Variants in SORCS3 observed in about 807,000 individuals in gnomAD.
SORCS3 encodes the protein VPS10 domain-containing receptor SorCS3.
In SORCS3, 57 loss-of-function variants were observed where a neutral mutation model predicts 146.3. That is an observed-to-expected ratio of 0.39 (90% CI 0.31 to 0.49). The LOEUF (loss-of-function observed/expected upper bound fraction) is 0.49. Among genes scored for constraint, SORCS3 ranks in the 20% least tolerant of loss-of-function variants. The pLI is 0.92. For missense variants in SORCS3, 1,341 were observed against 1,575.5 expected, an observed-to-expected ratio of 0.85 and a Z score of 2.52; for synonymous variants, 653 against 618.5, an observed-to-expected ratio of 1.06 and a Z score of -0.83.
At chr10:104,755,933 C>T (rs2017045385) in intron 1 of SORCS3, among the ~76,000 whole-genome samples, 1 of 152,140 alleles carries the variant, frequency 6.6e-6, no homozygotes. Flanking sequence ...CCCTTAATTA[C>T]ACAAAGCTGT....
At chr10:105,028,166 C>A (rs1253641335) in intron 4 of SORCS3, among the ~76,000 whole-genome samples, 1 of 152,130 alleles carries the variant, frequency 6.6e-6, no homozygotes, top group Non-Finnish European at 1.5e-5. Context: ...TCTTATTGCC[C>A]ATTTCTCTCA....
intron 5 of SORCS3, among the ~76,000 whole-genome samples, chr10:105,045,492 G>A (rs571295336): frequency 1.3e-5 from 2 of 152,128 alleles, no homozygotes; most frequent in African/African-American, 4.8e-5. Context: ...TAGGTGTCGT[G>A]TGAGTCATGG....
At chr10:105,023,046 A>G (rs765050443) in intron 4 of SORCS3, among the ~76,000 whole-genome samples, 3 of 152,124 alleles carry the variant, frequency 2.0e-5, no homozygotes, top group Non-Finnish European at 2.9e-5. Flanking sequence ...ACATTAAGGT[A>G]CCTTTTCCAC....
chr10:104,868,798 G>A (rs958179742), intron 2 of SORCS3, among the ~76,000 whole-genome samples: 1 of 152,162 alleles, frequency 6.6e-6, no homozygotes, highest in African/African-American at 2.4e-5. Flanking sequence ...GGAGCAACTA[G>A]CCAATCTCAT....
At chr10:104,681,933 A>T (rs1589455831) in intron 1 of SORCS3, among the ~76,000 whole-genome samples, 1 of 151,844 alleles carries the variant, frequency 6.6e-6, no homozygotes, top group East Asian at 1.9e-4. Context: ...TTCCTGCCTT[A>T]GTTTTCCTCC....
At chr10:105,076,089 T>C (rs917476580) in intron 5 of SORCS3, among the ~76,000 whole-genome samples, 3 of 152,256 alleles carry the variant, frequency 2.0e-5, no homozygotes, top group Admixed American at 1.3e-4. Flanking sequence ...TTCATTAATG[T>C]GTTCTTGCAT....
chr10:105,043,004 T>C (rs951656928), intron 4 of SORCS3, 51 bp from the exon 5 acceptor site: 4 of 1,514,914 alleles, frequency 2.6e-6, no homozygotes, highest in African/African-American at 2.7e-5. Context: ...TCTGTATTCA[T>C]GCCCAGCAGT....
At position 105,157,271 on chromosome 10, in the gene SORCS3, T is replaced by G. The variant is rs568629109; in HGVS notation, c.1616T>G (p.Val539Gly). The stretch of plus-strand genomic sequence containing the variant: ...GATGTGGACCTGAGAGGAAGCCCAG[T>G]GCACTGCCTGCTGGTCAGTCACTCA... Reference protein sequence around the residue: ...APDVDLRGSPVHCLLPFCSLH... With the variant: ...APDVDLRGSPGHCLLPFCSLH... The change falls in exon 10 of 27, where the codon GTG becomes GGG. Residue 539 changes from valine (V) to glycine (G), a missense_variant. Physicochemically the swap from Val to Gly is moderately radical, Grantham distance 109. Transcript: ENST00000369701. 3 of 1,613,996 alleles carry G rather than the reference T, an allele frequency of 1.9e-6. No individual in the cohort carries two copies. Among genetic ancestry groups the G allele is most frequent in the Non-Finnish European group, 1.7e-6 (2 of 1,179,908 alleles).
intron 5 of SORCS3, among the ~76,000 whole-genome samples, chr10:105,071,873 G>T (rs991295973): frequency 1.3e-5 from 2 of 152,172 alleles, no homozygotes; most frequent in African/African-American, 2.4e-5. Flanking sequence ...AGTCACACAG[G>T]TAGAAAGACA....
intron 26 of SORCS3, among the ~76,000 whole-genome samples, chr10:105,263,090 A>G (rs2056971187): frequency 1.3e-5 from 2 of 152,242 alleles, no homozygotes; most frequent in South Asian, 4.1e-4. Context: ...ATAGCAGTCA[A>G]TGTCTTGATC....
chr10:105,046,718 C>A (rs887789450), intron 5 of SORCS3, among the ~76,000 whole-genome samples: 1 of 152,076 alleles, frequency 6.6e-6, no homozygotes, highest in African/African-American at 2.4e-5. Flanking sequence ...ATGTTCTAAT[C>A]CAATCAAGAT....
intron 5 of SORCS3, among the ~76,000 whole-genome samples, chr10:105,063,254 A>G (rs2055499993): frequency 6.6e-6 from 1 of 152,194 alleles, no homozygotes; most frequent in Non-Finnish European, 1.5e-5. Flanking sequence ...ACCAGCAGCC[A>G]TTTTTGGAAC....
At chr10:104,875,453 G>A (rs910947521) in intron 2 of SORCS3, among the ~76,000 whole-genome samples, 1 of 152,292 alleles carries the variant, frequency 6.6e-6, no homozygotes, top group Admixed American at 6.5e-5. Context: ...CAATGATAGG[G>A]TCTACTGTGT....
At chr10:104,945,424 A>AT (rs1309016639) in intron 3 of SORCS3, among the ~76,000 whole-genome samples, 2 of 151,584 alleles carry the variant, frequency 1.3e-5, no homozygotes, top group Non-Finnish European at 2.9e-5. Flanking sequence ...CCCCTAGCTA[A>AT]TTTTTTGTAT....
At chr10:104,815,997 CTTT>C (rs1004959567) in intron 1 of SORCS3, among the ~76,000 whole-genome samples, 5 of 152,216 alleles carry the variant, frequency 3.3e-5, no homozygotes, top group African/African-American at 1.2e-4. Context: ...TGCTTAATTG[CTTT>C]TTCTCCCTGT....
chr10:105,137,917 A>G (rs554720368), intron 7 of SORCS3, among the ~76,000 whole-genome samples: 1 of 152,208 alleles, frequency 6.6e-6, no homozygotes, highest in African/African-American at 2.4e-5. Context: ...AATGGTGACT[A>G]TGTGTTCAGA....
intron 1 of SORCS3, among the ~76,000 whole-genome samples, chr10:104,717,472 C>T (rs76232716): frequency 0.011 from 1,647 of 152,230 alleles, 28 homozygotes; most frequent in African/African-American, 0.037. Flanking sequence ...ACCCACAAGG[C>T]GCCCAGCATT....
chr10:105,237,978 A>G (rs1173508509), intron 20 of SORCS3, among the ~76,000 whole-genome samples: 2 of 152,174 alleles, frequency 1.3e-5, no homozygotes, highest in African/African-American at 2.4e-5. Context: ...TTATAATCAG[A>G]CTTTTGCTCG....
intron 1 of SORCS3, among the ~76,000 whole-genome samples, chr10:104,823,905 G>A (rs2017904216): frequency 6.6e-6 from 1 of 152,190 alleles, no homozygotes; most frequent in Non-Finnish European, 1.5e-5. Context: ...ATGGGGAAGA[G>A]GGAGGAAGAA....
Sources: allele counts gnomAD v4.1 joint callset (sites outside exome capture counted in the v4.1 genomes callset), GRCh38; gene constraint gnomAD v4.1.1; transcripts MANE v1.5; gene names NCBI Gene and HGNC (gene_info 2026-07-23, HGNC 2026-07-21).